Variants in TENM2 observed in about 807,000 individuals in gnomAD.
The protein encoded by TENM2 is teneurin-2.
TENM2 carries 52 observed loss-of-function variants against 245.2 expected under a neutral mutation model. That is an observed-to-expected ratio of 0.21 (90% CI 0.17 to 0.27). The LOEUF (loss-of-function observed/expected upper bound fraction) is 0.27. Ranked by LOEUF, TENM2 falls within the 10% of genes least tolerant of loss-of-function variation. The pLI is 1.00. For synonymous variants in TENM2, 1,363 were observed against 1,438.9 expected (o/e 0.95, Z 1.19); for missense variants, 3,046 against 3,666.8 (o/e 0.83, Z 4.37).
intron 4 of TENM2, among the ~76,000 whole-genome samples, chr5:167,979,419 C>A (rs777910242): frequency 2.0e-5 from 3 of 152,072 alleles, no homozygotes; most frequent in Non-Finnish European, 4.4e-5. Flanking sequence ...ATAAGGATCA[C>A]GTACATTTAC....
In TENM2 at chr5:167,488,820, G is replaced by A. The variant is rs1362406379; in HGVS notation, c.502+113347G>A. Reference sequence around the variant, plus strand: ...CTAATAAATATCCCAACCTTGACATGTTCAAAATGGAATTCCTGGTCTTAC... The same window carrying A: ...CTAATAAATATCCCAACCTTGACATATTCAAAATGGAATTCCTGGTCTTAC... On this transcript the variant is annotated intron_variant, in intron 2 of 28. Transcript: ENST00000518659. Among the ~76,000 whole-genome samples, 3 of 152,258 alleles carry A rather than the reference G, an allele frequency of 2.0e-5. No homozygotes were observed. The South Asian group carries it at 6.2e-4, about 32-fold the overall frequency.
At chr5:167,758,993 A>G (rs756520854) in intron 2 of TENM2, among the ~76,000 whole-genome samples, 2 of 151,664 alleles carry the variant, frequency 1.3e-5, no homozygotes, top group Non-Finnish European at 1.5e-5. Context: ...TTGAATAAAT[A>G]ATAATTGTTT....
intron 1 of TENM2, among the ~76,000 whole-genome samples, chr5:167,374,471 G>T (rs1760624310): frequency 6.6e-6 from 1 of 152,132 alleles, no homozygotes; most frequent in South Asian, 2.1e-4. Context: ...CGACTAGTTT[G>T]GCACATGTTA....
At chr5:168,006,372 G>T (rs982099145) in intron 5 of TENM2, among the ~76,000 whole-genome samples, 1 of 152,182 alleles carries the variant, frequency 6.6e-6, no homozygotes, top group Non-Finnish European at 1.5e-5. Context: ...ATGCGGTCTT[G>T]ACTGAAGGTT....
intron 2 of TENM2, among the ~76,000 whole-genome samples, chr5:167,507,236 G>A (rs933510799): frequency 1.3e-5 from 2 of 152,066 alleles, no homozygotes; most frequent in Admixed American, 1.3e-4. Context: ...TTTTTAAACT[G>A]TATTACCCAT....
At chr5:167,140,330 A>G in the TENM2 span, among the ~76,000 whole-genome samples, 2 of 152,172 alleles carry the variant, frequency 1.3e-5, no homozygotes, top group African/African-American at 4.8e-5. Flanking sequence ...CAGTTATTTA[A>G]AAATTAAGTT....
Position 168,244,481 on chromosome 5 carries a change from A to C in TENM2, c.5582A>C (p.Tyr1861Ser). The change falls in exon 26 of 29, where the codon TAT (tyrosine) becomes TCT (serine). Residue 1861 changes from tyrosine (Y) to serine (S), a missense_variant. By Grantham distance (144) the Tyr-to-Ser change is moderately radical. Around this residue, in one of 2 missense-constraint regions of TENM2, gnomAD observed 2,704 missense variants for 3,331.9 expected, o/e 0.81. Transcript: ENST00000518659. The surrounding 1 kb of genome is among the most constrained non-coding windows in gnomAD (Gnocchi z 4.9). The stretch of plus-strand genomic sequence containing the variant: ...CGAAATATTCGGACTGAAAAGATCT[A>C]TGATGACCACCGGAAGTTCACCCTG... The C allele has an allele frequency of 6.2e-7, 1 of 1,605,476 alleles. No homozygotes were observed. Among genetic ancestry groups the C allele is most frequent in the East Asian group, 2.2e-5 (1 of 44,556 alleles).
intron 5 of TENM2, among the ~76,000 whole-genome samples, chr5:168,034,422 G>A (rs531514548): frequency 6.6e-6 from 1 of 151,402 alleles, no homozygotes; most frequent in South Asian, 2.1e-4. Flanking sequence ...AACTCTGTAA[G>A]TGGTGTGGTT....
chr5:167,640,271 G>C (rs767103273), intron 2 of TENM2, among the ~76,000 whole-genome samples: 4 of 152,106 alleles, frequency 2.6e-5, no homozygotes, highest in Non-Finnish European at 5.9e-5. Flanking sequence ...TATACTAGCT[G>C]TGCCCCACCA....
intron 2 of TENM2, among the ~76,000 whole-genome samples, chr5:167,411,948 ATACT>A (rs941558175): frequency 2.0e-5 from 3 of 152,146 alleles, no homozygotes; most frequent in African/African-American, 7.2e-5. Flanking sequence ...TGTTGGAAAA[ATACT>A]TACTACTTAA....
chr5:167,408,872 A>G (rs1762765493), intron 2 of TENM2, among the ~76,000 whole-genome samples: 1 of 150,364 alleles, frequency 6.7e-6, no homozygotes, highest in Non-Finnish European at 1.5e-5. Flanking sequence ...TACATATGGC[A>G]TAGCATTTTA....
At chr5:167,326,840 A>G (rs1757118324) in intron 1 of TENM2, among the ~76,000 whole-genome samples, 1 of 151,534 alleles carries the variant, frequency 6.6e-6, no homozygotes. Flanking sequence ...GTTCTCAGGC[A>G]GTCTTTTGAA....
chr5:167,701,026 G>A lies in TENM2; in HGVS notation c.503-174960G>A, dbSNP rs145795059. Among the ~76,000 whole-genome samples the A allele has an allele frequency of 2.9e-3, 413 of 140,894 alleles. 3 individuals carry two copies. The highest frequency in any genetic ancestry group is 0.024 in the Middle Eastern group (6 of 254). 92.4% of individuals were successfully genotyped at this position (140,894 alleles called of 152,430 possible). ...GAAAACAATATGTGAATTAATTTTC[G>A]TTTCAAAAGAACAGCAGGAATTATT... is the stretch of plus-strand genomic sequence containing the variant. On this transcript the variant is annotated intron_variant, in intron 2 of 28. Coordinates refer to ENST00000518659, the Ensembl canonical transcript of TENM2.
chr5:167,249,681 A>G, the TENM2 span, among the ~76,000 whole-genome samples: 3 of 152,152 alleles, frequency 2.0e-5, no homozygotes, highest in African/African-American at 4.8e-5. Context: ...GAAAAATCCT[A>G]TGAAGTAAGA....
the TENM2 span, among the ~76,000 whole-genome samples, chr5:167,008,905 C>T: frequency 2.6e-5 from 4 of 152,142 alleles, no homozygotes; most frequent in African/African-American, 9.7e-5. Flanking sequence ...TTTAGGGATT[C>T]CCACAACAAA....
At chr5:167,575,898 G>A (rs910980982) in intron 2 of TENM2, among the ~76,000 whole-genome samples, 2 of 151,718 alleles carry the variant, frequency 1.3e-5, no homozygotes, top group Non-Finnish European at 2.9e-5. Flanking sequence ...TTTCTACATC[G>A]TTTTTTCCTG....
intron 2 of TENM2, among the ~76,000 whole-genome samples, chr5:167,512,276 T>C (rs1012332141): frequency 2.0e-5 from 3 of 152,180 alleles, no homozygotes; most frequent in African/African-American, 7.2e-5. Context: ...ATCTTAGGTA[T>C]AAATTGAGTA....
intron 14 of TENM2, among the ~76,000 whole-genome samples, chr5:168,191,104 T>C (rs1760915681): frequency 6.6e-6 from 1 of 152,196 alleles, no homozygotes; most frequent in African/African-American, 2.4e-5. Flanking sequence ...GATTACCTAT[T>C]GCATGCAAGC....
chr5:167,438,880 G>A (rs1459220912), intron 2 of TENM2, among the ~76,000 whole-genome samples: 2 of 152,126 alleles, frequency 1.3e-5, no homozygotes, highest in East Asian at 3.9e-4. Context: ...TGCAACCTCC[G>A]CCTCCGGAGT....
Sources: allele counts gnomAD v4.1 joint callset (sites outside exome capture counted in the v4.1 genomes callset), GRCh38; gene constraint gnomAD v4.1.1; regional missense constraint gnomAD v4.1.1; non-coding constraint Gnocchi (gnomAD v3.1); transcripts MANE v1.5; gene names NCBI Gene and HGNC (gene_info 2026-07-23, HGNC 2026-07-21).